EFCAB10: variants seen among roughly 807,000 people sequenced by gnomAD.
EFCAB10 encodes EF-hand calcium binding domain 10, also known as EF-hand calcium-binding domain-containing protein 10.
In EFCAB10, 7 loss-of-function variants were observed where a neutral mutation model predicts 7.7. The observed-to-expected ratio is 0.91, with a 90% CI of 0.52 to 1.72. The LOEUF is 1.72. Among genes scored for constraint, EFCAB10 ranks in the 40% most tolerant of loss-of-function variants. The pLI, the probability that EFCAB10 is intolerant of heterozygous loss-of-function variation, is 0.00. For missense variants in EFCAB10, 112 were observed against 61.5 expected, an observed-to-expected ratio of 1.82 and a Z score of -2.74; for synonymous variants, 52 against 21.0, an observed-to-expected ratio of 2.47 and a Z score of -4.03.
chr7:105,579,330 A>G (rs1326848018), intron 1 of EFCAB10, among the ~76,000 whole-genome samples: 1 of 152,082 alleles, frequency 6.6e-6, no homozygotes, highest in Non-Finnish European at 1.5e-5. Context: ...TCCAGACTGG[A>G]GCAGGAAGAC....
chr7:105,570,262 T>TACAC (rs1172456026), intron 1 of EFCAB10, among the ~76,000 whole-genome samples: 75 of 89,648 alleles, frequency 8.4e-4, no homozygotes, highest in East Asian at 5.2e-3. Context: ...TATATATATA[T>TACAC]ATATATACAC....
At chr7:105,567,171 C>A in intron 4 of EFCAB10, 2 of 1,606,268 alleles carry the variant, frequency 1.2e-6, no homozygotes, top group Non-Finnish European at 1.7e-6. Context: ...TGCACTACTG[C>A]TGAAAGATGT....
intron 4 of EFCAB10, 104 bp from the exon 5 acceptor site, chr7:105,565,551 A>C: frequency 6.2e-7 from 1 of 1,613,826 alleles, no homozygotes; most frequent in Non-Finnish European, 8.5e-7. Flanking sequence ...TAATCACTTC[A>C]ATGAAGGAGG....
At chr7:105,566,361 G>A (rs1586275851) in intron 4 of EFCAB10, 2 of 152,154 alleles carry the variant, frequency 1.3e-5, no homozygotes, top group South Asian at 4.1e-4. Context: ...AGAATTTGTT[G>A]ATCTAAAATT....
At position 105,565,561 on chromosome 7, in the gene EFCAB10, G is replaced by C. The variant is rs1791683378; in HGVS notation, c.*-114C>G. 3 of 1,613,834 alleles carry C rather than the reference G, an allele frequency of 1.9e-6. No homozygotes were observed. Among genetic ancestry groups the C allele is most frequent in the Non-Finnish European group, 2.5e-6 (3 of 1,179,764 alleles). Reference sequence around the variant, plus strand: ...CTTGCTAATCACTTCAATGAAGGAGGAGCAGCCCAGCTGCAGTTTGATATG... The same window carrying C: ...CTTGCTAATCACTTCAATGAAGGAGCAGCAGCCCAGCTGCAGTTTGATATG... On this transcript the variant is annotated intron_variant, in intron 4 of 4. Coordinates refer to ENST00000480514, the MANE Select transcript of EFCAB10 (RefSeq NM_001355526.2).
chr7:105,571,146 A>T (rs1791940124), intron 1 of EFCAB10: 1 of 152,230 alleles, frequency 6.6e-6, no homozygotes, highest in Non-Finnish European at 1.5e-5. Context: ...GGCCAATTTC[A>T]CTACAGCCCT....
intron 1 of EFCAB10, chr7:105,571,909 G>T (rs1791957776): frequency 6.6e-6 from 1 of 152,154 alleles, no homozygotes; most frequent in African/African-American, 2.4e-5. Context: ...AATTCCCAGA[G>T]CCCTCAGAGT....
chr7:105,566,254 T>C (rs1791736025), intron 4 of EFCAB10: 1 of 151,840 alleles, frequency 6.6e-6, no homozygotes, highest in Admixed American at 6.6e-5. Flanking sequence ...AAAAAAAAAT[T>C]ACAAATATGT....
chr7:105,567,444 T>G, intron 4 of EFCAB10, 23 bp downstream of exon 4: 1 of 746,318 alleles, frequency 1.3e-6, no homozygotes, highest in Middle Eastern at 2.9e-4. Context: ...ATCTTGGATT[T>G]ATGGTGTTAT....
At chr7:105,570,240 A>AAATAT (rs35907051) in intron 1 of EFCAB10, among the ~76,000 whole-genome samples, 17 of 24,900 alleles carry the variant, frequency 6.8e-4, no homozygotes, top group Admixed American at 1.3e-3. Flanking sequence ...AAAAAAAAAA[A>AAATAT]ATATATATAT....
intron 1 of EFCAB10, among the ~76,000 whole-genome samples, chr7:105,580,653 G>T (rs1473417556): frequency 6.6e-6 from 1 of 151,832 alleles, no homozygotes; most frequent in African/African-American, 2.4e-5. Context: ...TGGCAAAATT[G>T]GAATGTTTGG....
At chr7:105,565,795 C>T (rs1279111550) in intron 4 of EFCAB10, 3 of 587,002 alleles carry the variant, frequency 5.1e-6, no homozygotes, top group East Asian at 2.8e-5. Context: ...ATGCTTACAG[C>T]ACAATGGGGA....
intron 4 of EFCAB10, chr7:105,565,712 T>G: frequency 9.1e-7 from 1 of 1,093,388 alleles, no homozygotes; most frequent in Middle Eastern, 3.0e-4. Context: ...TAACTCCTTT[T>G]AACTTTAGGG....
In EFCAB10 at chr7:105,569,402, C is replaced by T; in HGVS notation, c.271+5G>A. On this transcript the variant is annotated splice_donor_5th_base_variant and intron_variant, in intron 2 of 4. Coordinates refer to ENST00000480514, the MANE Select transcript of EFCAB10 (RefSeq NM_001355526.2). ...CTATTACCTCAATTTGTAGAATGTA[C>T]TGACCTTCTTTATACTGCACAAATG... The T allele has an allele frequency of 1.4e-6, 1 of 699,364 alleles. No homozygotes were observed. The highest frequency in any genetic ancestry group is 2.6e-6 in the Non-Finnish European group (1 of 384,062). 43.3% of individuals were successfully genotyped at this position (699,364 alleles called of 1,614,324 possible).
In EFCAB10 at chr7:105,569,504, C is replaced by T. The variant is rs370678043; in HGVS notation, c.174G>A (p.Ala58=). 51 of 702,794 alleles carry T rather than the reference C, an allele frequency of 7.3e-5. 1 individual carries two copies. Among genetic ancestry groups the T allele is most frequent in the South Asian group, 5.2e-4 (35 of 67,578 alleles). 43.5% of individuals were successfully genotyped at this position (702,794 alleles called of 1,614,324 possible). A position where few individuals can be genotyped will look rare whatever the true frequency, so the allele number is the denominator to read the frequency against. ...RLRIAKVTGV[A]FPFFMDNSNI... ...TAGAGTTATCCATAAAGAAAGGAAA[C>T]GCCACGCCTGTTACTTTTGCAATTC... is the stretch of plus-strand genomic sequence containing the variant. Residue 58 remains alanine (A), a synonymous_variant, in exon 2 of 5, where the codon GCG becomes GCA. Coordinates refer to ENST00000480514, the MANE Select transcript of EFCAB10 (RefSeq NM_001355526.2).
Position 105,569,416 on chromosome 7 carries a change from A to C in EFCAB10, c.262T>G (p.Tyr88Asp). ...TGTAGAATGTACTGACCTTCTTTAT[A>C]CTGCACAAATGATATGGTGCCTCTG... Reference protein sequence around the residue: ...SGRGTISFVQYKEALKTLGLC... With the variant: ...SGRGTISFVQDKEALKTLGLC... Residue 88 changes from tyrosine to aspartate, a missense_variant, in exon 2 of 5, where the codon TAT (tyrosine) becomes GAT (aspartate). Physicochemically the swap from Tyr to Asp is radical, Grantham distance 160. Transcript: ENST00000480514. The C allele has an allele frequency of 1.4e-6, 1 of 702,016 alleles. No homozygotes were observed. Among genetic ancestry groups the C allele is most frequent in the Non-Finnish European group, 2.6e-6 (1 of 384,802 alleles). The allele number at this position is 702,016 out of a possible 1,614,324, so 43.5% of individuals were successfully genotyped here. A position where few individuals can be genotyped will look rare whatever the true frequency, so the allele number is the denominator to read the frequency against.
At chr7:105,569,681 C>T (rs1214726060) in intron 1 of EFCAB10, 110 bp from the exon 2 acceptor site, 11 of 603,970 alleles carry the variant, frequency 1.8e-5, no homozygotes, top group East Asian at 1.4e-4. Flanking sequence ...CTGTACTAGG[C>T]GCTGGGGACA....
intron 4 of EFCAB10, 106 bp downstream of exon 4, chr7:105,567,361 G>A (rs767052244): frequency 4.8e-5 from 62 of 1,281,162 alleles, no homozygotes; most frequent in Non-Finnish European, 6.3e-5. Flanking sequence ...GAAAGAGGAA[G>A]CCAATTGGAT....
intron 1 of EFCAB10, among the ~76,000 whole-genome samples, chr7:105,575,634 G>A (rs887404243): frequency 1.3e-5 from 2 of 152,130 alleles, no homozygotes; most frequent in African/African-American, 4.8e-5. Flanking sequence ...CAGAATGGGG[G>A]ACTGCGTACC....
Sources: gnomAD v4.1 joint callset for allele counts (sites outside exome capture counted in the v4.1 genomes callset) on GRCh38, gnomAD v4.1.1 for gene constraint, MANE v1.5 for transcripts, NCBI Gene and HGNC (gene_info 2026-07-23, HGNC 2026-07-21) for gene names.